CSMD1: variants seen among roughly 807,000 people sequenced by gnomAD.
CSMD1 encodes the protein CUB and sushi domain-containing protein 1.
A neutral mutation model predicts 417.5 loss-of-function variants in CSMD1; 213 were observed. That is an observed-to-expected ratio of 0.51 (90% CI 0.46 to 0.57). The LOEUF is 0.57. CSMD1 is among the 20% of genes least tolerant of loss of function. The pLI is 0.00. For missense variants in CSMD1, 6,923 were observed against 4,529.7 expected (o/e 1.53, Z -15.17); for synonymous variants, 2,862 against 1,736.8 (o/e 1.65, Z -16.11).
At chr8:4,618,997 TA>T (rs1203122144) in intron 2 of CSMD1, among the ~76,000 whole-genome samples, 1 of 152,174 alleles carries the variant, frequency 6.6e-6, no homozygotes, top group African/African-American at 2.4e-5. Context: ...AGAAGGAGAT[TA>T]AAATACTGCA....
At chr8:4,656,629 A>G (rs555978315) in intron 1 of CSMD1, among the ~76,000 whole-genome samples, 2 of 151,584 alleles carry the variant, frequency 1.3e-5, no homozygotes, top group East Asian at 3.9e-4. Flanking sequence ...AAAGGTGGTG[A>G]CTAATTTTAG....
intron 3 of CSMD1, among the ~76,000 whole-genome samples, chr8:4,194,859 AT>A (rs927082609): frequency 2.6e-5 from 4 of 152,108 alleles, no homozygotes; most frequent in African/African-American, 9.7e-5. Context: ...CCACTGTATT[AT>A]ACCCATTTTC....
intron 3 of CSMD1, among the ~76,000 whole-genome samples, chr8:4,188,066 A>T (rs1334182983): frequency 1.3e-5 from 2 of 152,142 alleles, no homozygotes; most frequent in Admixed American, 6.5e-5. Flanking sequence ...AGGTGATTTA[A>T]AACAAATAGA....
chr8:4,506,428 C>T (rs889304782), intron 2 of CSMD1, among the ~76,000 whole-genome samples: 1 of 152,082 alleles, frequency 6.6e-6, no homozygotes, highest in African/African-American at 2.4e-5. Flanking sequence ...CACTTCAGGC[C>T]TAGCCCAGCA....
At chr8:4,928,622 T>G (rs1257988797) in intron 1 of CSMD1, among the ~76,000 whole-genome samples, 1 of 152,184 alleles carries the variant, frequency 6.6e-6, no homozygotes. Context: ...GAGAAGTAAC[T>G]GGCTCATAGT....
chr8:3,297,505 G>C (rs377182331), intron 25 of CSMD1, among the ~76,000 whole-genome samples: 1 of 152,104 alleles, frequency 6.6e-6, no homozygotes, highest in Non-Finnish European at 1.5e-5. Flanking sequence ...TTTGGAAACA[G>C]ATCTGCATAG....
At chr8:4,021,591 C>T (rs1038250326) in intron 4 of CSMD1, among the ~76,000 whole-genome samples, 1 of 152,156 alleles carries the variant, frequency 6.6e-6, no homozygotes, top group African/African-American at 2.4e-5. Context: ...TAAGTCTTAT[C>T]CTGATGCCCT....
At chr8:3,276,552 C>G (rs1802306977) in intron 26 of CSMD1, among the ~76,000 whole-genome samples, 1 of 152,160 alleles carries the variant, frequency 6.6e-6, no homozygotes, top group Admixed American at 6.5e-5. Context: ...GACCTGCTCC[C>G]ATGATTCGAT....
intron 2 of CSMD1, among the ~76,000 whole-genome samples, chr8:4,518,567 G>C (rs1047560120): frequency 1.4e-5 from 2 of 145,634 alleles, no homozygotes; most frequent in African/African-American, 5.0e-5. Context: ...ATTGAACAGT[G>C]AGAACACATG....
At chr8:4,312,376 A>AT (rs1798662718) in intron 3 of CSMD1, among the ~76,000 whole-genome samples, 7 of 63,138 alleles carry the variant, frequency 1.1e-4, no homozygotes, top group Admixed American at 6.6e-4. Flanking sequence ...TAATGGAACA[A>AT]ATATATATAT....
At chr8:4,782,217 T>C (rs1299707720) in intron 1 of CSMD1, among the ~76,000 whole-genome samples, 1 of 152,178 alleles carries the variant, frequency 6.6e-6, no homozygotes, top group Admixed American at 6.5e-5. Context: ...CTCTGCTTAA[T>C]AATGTATATC....
intron 3 of CSMD1, among the ~76,000 whole-genome samples, chr8:4,135,799 T>G (rs1290360553): frequency 6.6e-6 from 1 of 152,312 alleles, no homozygotes; most frequent in East Asian, 1.9e-4. Flanking sequence ...AAAAATCTAG[T>G]TAATATCCAT....
chr8:4,306,131 T>G (rs552932014), intron 3 of CSMD1, among the ~76,000 whole-genome samples: 1 of 152,336 alleles, frequency 6.6e-6, no homozygotes, highest in East Asian at 1.9e-4. Flanking sequence ...TAATGAATAG[T>G]CTGTGTAGAT....
rs181084271 is a variant in CSMD1, at chr8:4,067,938, A to G, written c.416-35839T>C. ...CTAAAAATGCAAAAATTAACTGGGCATGGTGGTGCGCTCCTGTAATCCCAG... is the reference window on the plus strand; with the variant it reads ...CTAAAAATGCAAAAATTAACTGGGCGTGGTGGTGCGCTCCTGTAATCCCAG... On this transcript the variant is annotated intron_variant, in intron 3 of 69. Transcript: ENST00000635120. Among the ~76,000 whole-genome samples the G allele has an allele frequency of 1.3e-3, 200 of 152,230 alleles. 6 individuals carry two copies. In the East Asian group the frequency reaches 0.032, roughly 24 times the overall value.
chr8:4,949,665 G>C (rs970166575), intron 1 of CSMD1, among the ~76,000 whole-genome samples: 3 of 152,130 alleles, frequency 2.0e-5, no homozygotes, highest in Non-Finnish European at 4.4e-5. Flanking sequence ...TAGTGCCAAG[G>C]CTGAGAAATA....
At chr8:4,227,963 A>T (rs943650415) in intron 3 of CSMD1, among the ~76,000 whole-genome samples, 1 of 145,634 alleles carries the variant, frequency 6.9e-6, no homozygotes, top group Non-Finnish European at 1.5e-5. Flanking sequence ...ATTCAATCCC[A>T]CACCAGGAGA....
At chr8:3,234,824 G>A (rs929896041) in intron 26 of CSMD1, among the ~76,000 whole-genome samples, 13 of 152,100 alleles carry the variant, frequency 8.5e-5, no homozygotes, top group Admixed American at 8.5e-4. Flanking sequence ...GTACCAAAGG[G>A]GTACCCTTCC....
chr8:4,418,815 T>G (rs1437086750), intron 3 of CSMD1, among the ~76,000 whole-genome samples: 1 of 152,122 alleles, frequency 6.6e-6, no homozygotes, highest in Non-Finnish European at 1.5e-5. Flanking sequence ...TACTTAAAGG[T>G]GATAGACCCT....
At chr8:4,963,495 T>G (rs149610613) in intron 1 of CSMD1, among the ~76,000 whole-genome samples, 1 of 152,288 alleles carries the variant, frequency 6.6e-6, no homozygotes, top group African/African-American at 2.4e-5. Flanking sequence ...ACACCATGCC[T>G]GGCCCCTCAT....
Sources: allele counts gnomAD v4.1 joint callset (sites outside exome capture counted in the v4.1 genomes callset), GRCh38; gene constraint gnomAD v4.1.1; transcripts MANE v1.5; gene names NCBI Gene and HGNC (gene_info 2026-07-23, HGNC 2026-07-21).